The following FHIT variants were observed in gnomAD, a reference collection of about 807,000 sequenced individuals.
FHIT encodes the protein bis(5'-adenosyl)-triphosphatase.
Under a neutral mutation model 17.9 loss-of-function variants are expected in FHIT, and 19 were observed. The observed-to-expected ratio is 1.06, with a 90% CI of 0.74 to 1.56. FHIT has a LOEUF of 1.56. Among genes scored for constraint, FHIT ranks in the 40% most tolerant of loss-of-function variants. FHIT has a pLI of 0.00. For missense variants in FHIT, 248 were observed against 189.2 expected, an observed-to-expected ratio of 1.31 and a Z score of -1.82; for synonymous variants, 81 against 69.7, an observed-to-expected ratio of 1.16 and a Z score of -0.81.
intron 5 of FHIT, among the ~76,000 whole-genome samples, chr3:60,177,513 T>C (rs971678921): frequency 2.6e-5 from 4 of 152,134 alleles, no homozygotes; most frequent in African/African-American, 7.2e-5. Context: ...TCCCTTCGCA[T>C]AGAAGTAGGT....
chr3:60,887,089 T>C (rs531891783), intron 3 of FHIT, among the ~76,000 whole-genome samples: 14 of 152,350 alleles, frequency 9.2e-5, no homozygotes, highest in Middle Eastern at 3.4e-3. Flanking sequence ...AGGAAAAATT[T>C]GTCTCTCCTG....
intron 1 of FHIT, among the ~76,000 whole-genome samples, chr3:61,229,219 G>T (rs1397398777): frequency 6.6e-6 from 1 of 152,128 alleles, no homozygotes; most frequent in Non-Finnish European, 1.5e-5. Flanking sequence ...TAAATATAAT[G>T]ATCAGTGTTC....
chr3:60,615,873 C>T (rs1041710534), intron 4 of FHIT, among the ~76,000 whole-genome samples: 4 of 152,076 alleles, frequency 2.6e-5, no homozygotes, highest in East Asian at 3.9e-4. Context: ...CTGGATGGTT[C>T]GAGTGAAGTT....
intron 1 of FHIT, among the ~76,000 whole-genome samples, chr3:61,210,111 T>C (rs550673955): frequency 6.6e-6 from 1 of 152,352 alleles, no homozygotes; most frequent in African/African-American, 2.4e-5. Context: ...TCAGCAGCCG[T>C]GGCTGCAGAA....
chr3:59,968,917 C>A (rs1176215577), intron 7 of FHIT, among the ~76,000 whole-genome samples: 1 of 152,138 alleles, frequency 6.6e-6, no homozygotes, highest in African/African-American at 2.4e-5. Flanking sequence ...AGGAAAGAGA[C>A]CAAGAATGCA....
Position 60,744,246 on chromosome 3 carries a change from T to TAAAAAAAAAAAAAAAAAAAAAAAAAA in FHIT, c.-18+77672_-18+77673insTTTTTTTTTTTTTTTTTTTTTTTTTT, listed in dbSNP as rs368982395. 9.7e-5 allele frequency among the ~76,000 whole-genome samples: 3 copies of TAAAAAAAAAAAAAAAAAAAAAAAAAA among 30,920 alleles called. 1 individual carries two copies. The highest frequency in any genetic ancestry group is 3.9e-4 in the African/African-American group (2 of 5,124). 20.3% of individuals were successfully genotyped at this position (30,920 alleles called of 152,430 possible). A position where few individuals can be genotyped will look rare whatever the true frequency, so the allele number is the denominator to read the frequency against. On this transcript the variant is annotated intron_variant, in intron 4 of 9. Coordinates refer to ENST00000492590, the MANE Select transcript of FHIT (RefSeq NM_002012.4). ...TCTCCTTTGCAAATTGGAAGTAATG[T>TAAAAAAAAAAAAAAAAAAAAAAAAAA]AAAAAAAAAAACAAAACAAAACAAA...
In FHIT at chr3:60,853,038, T is replaced by C. The variant is rs1358046760; in HGVS notation, c.-110-31027A>G. Among the ~76,000 whole-genome samples, 3 of 152,120 alleles carry C rather than the reference T, an allele frequency of 2.0e-5. No individual in the cohort carries two copies. In the South Asian group the frequency reaches 6.2e-4, roughly 31 times the overall value. ...AACATGTACTTTACTCAAATTCTTA[T>C]GTGAGCATCTCAACACATGGTTTAT... is the stretch of plus-strand genomic sequence containing the variant. On this transcript the variant is annotated intron_variant, in intron 3 of 9. Transcript: ENST00000492590.
At chr3:60,783,776 G>T (rs564212818) in intron 4 of FHIT, among the ~76,000 whole-genome samples, 1 of 152,276 alleles carries the variant, frequency 6.6e-6, no homozygotes, top group African/African-American at 2.4e-5. Flanking sequence ...TGATGATGCA[G>T]GTGTGGCTCT....
intron 5 of FHIT, among the ~76,000 whole-genome samples, chr3:60,183,755 A>G (rs1427037264): frequency 6.6e-6 from 1 of 152,154 alleles, no homozygotes; most frequent in African/African-American, 2.4e-5. Flanking sequence ...AGGGCCAGTA[A>G]CTTTTACTAA....
intron 1 of FHIT, among the ~76,000 whole-genome samples, chr3:61,204,482 T>A (rs912198196): frequency 1.3e-5 from 2 of 151,408 alleles, no homozygotes; most frequent in African/African-American, 2.4e-5. Context: ...CAACATAGAG[T>A]AAACGCAATC....
intron 1 of FHIT, among the ~76,000 whole-genome samples, chr3:61,232,787 G>A (rs1395298571): frequency 6.6e-6 from 1 of 152,140 alleles, no homozygotes; most frequent in African/African-American, 2.4e-5. Flanking sequence ...GGCCCAGTTT[G>A]GCTGAAAAGA....
intron 5 of FHIT, among the ~76,000 whole-genome samples, chr3:60,467,807 T>G (rs755330944): frequency 5.9e-5 from 9 of 152,144 alleles, no homozygotes; most frequent in Non-Finnish European, 1.3e-4. Flanking sequence ...TAAAATGTTC[T>G]GTAAATGTCT....
At chr3:60,899,837 A>G (rs1202503306) in intron 3 of FHIT, among the ~76,000 whole-genome samples, 2 of 152,188 alleles carry the variant, frequency 1.3e-5, no homozygotes, top group East Asian at 3.9e-4. Context: ...ATGGAATGTG[A>G]TAATAAAGAA....
chr3:60,858,299 T>G (rs1703469238), intron 3 of FHIT, among the ~76,000 whole-genome samples: 1 of 151,992 alleles, frequency 6.6e-6, no homozygotes, highest in Non-Finnish European at 1.5e-5. Flanking sequence ...TTTTAAGCAG[T>G]AAAATTAGAA....
chr3:60,003,508 G>A (rs1699806664), intron 7 of FHIT, among the ~76,000 whole-genome samples: 1 of 152,148 alleles, frequency 6.6e-6, no homozygotes, highest in Admixed American at 6.5e-5. Flanking sequence ...ACTTTAAGAG[G>A]CCAAGGCAGG....
intron 5 of FHIT, among the ~76,000 whole-genome samples, chr3:60,060,370 G>A (rs1005163517): frequency 2.0e-5 from 3 of 152,138 alleles, no homozygotes; most frequent in African/African-American, 7.2e-5. Flanking sequence ...TAAATCCTGT[G>A]TTATTGATTG....
intron 8 of FHIT, among the ~76,000 whole-genome samples, chr3:59,859,191 A>C (rs1253814598): frequency 6.6e-6 from 1 of 152,192 alleles, no homozygotes; most frequent in African/African-American, 2.4e-5. Context: ...GCAAGTACCA[A>C]CTGGACCAGG....
intron 2 of FHIT, among the ~76,000 whole-genome samples, chr3:61,074,934 G>A (rs902489892): frequency 3.9e-5 from 6 of 152,240 alleles, no homozygotes; most frequent in African/African-American, 1.2e-4. Context: ...CAAGTTAAAC[G>A]TTCTGTGTAA....
chr3:59,812,203 G>A (rs1700431978), intron 8 of FHIT, among the ~76,000 whole-genome samples: 1 of 152,166 alleles, frequency 6.6e-6, no homozygotes, highest in Non-Finnish European at 1.5e-5. Flanking sequence ...AGATGATCTG[G>A]CCCCACAGGA....
Sources: gnomAD v4.1 joint callset for allele counts (sites outside exome capture counted in the v4.1 genomes callset) on GRCh38, gnomAD v4.1.1 for gene constraint, MANE v1.5 for transcripts, NCBI Gene and HGNC (gene_info 2026-07-23, HGNC 2026-07-21) for gene names.